Variants in CLIC2 observed in about 807,000 individuals in gnomAD.
The protein encoded by CLIC2 is chloride intracellular channel protein 2.
CLIC2 carries 9 observed loss-of-function variants against 14.8 expected under a neutral mutation model. The observed-to-expected ratio is 0.61, with a 90% CI of 0.37 to 1.06. The LOEUF (loss-of-function observed/expected upper bound fraction) is 1.06, where lower values mean the gene tolerates loss of function less well. CLIC2 is among the 50% of genes least tolerant of loss of function. CLIC2 has a pLI of 0.01. For synonymous variants in CLIC2, 61 were observed against 66.3 expected (o/e 0.92, Z 0.39); for missense variants, 148 against 181.4 (o/e 0.82, Z 1.06).
intron 1 of CLIC2, among the ~76,000 whole-genome samples, chrX:155,304,159 A>G (rs1337740721): frequency 9.2e-6 from 1 of 108,378 alleles, no homozygotes; most frequent in Admixed American, 9.9e-5. Context: ...TCTCCTGGAT[A>G]ATATCCCGCA....
chrX:155,326,796 C>A (rs1476174459), intron 1 of CLIC2, among the ~76,000 whole-genome samples: 1 of 111,169 alleles, frequency 9.0e-6, no homozygotes, highest in Non-Finnish European at 1.9e-5. Flanking sequence ...GGATGAAGTT[C>A]CAGGGAATTG....
At chrX:155,294,252 G>A (rs1401754850) in intron 3 of CLIC2, among the ~76,000 whole-genome samples, 1 of 110,999 alleles carries the variant, frequency 9.0e-6, no homozygotes, top group Non-Finnish European at 1.9e-5. Flanking sequence ...AACACCAAGA[G>A]GAACTTTAGA....
intron 1 of CLIC2, among the ~76,000 whole-genome samples, chrX:155,312,240 G>A (rs782820902): frequency 1.3e-4 from 14 of 111,579 alleles, no homozygotes; most frequent in Middle Eastern, 4.6e-3. Context: ...ATCTTTGCCT[G>A]TTCCTATGTC....
At chrX:155,292,264 ACT>A (rs1934556700) in intron 3 of CLIC2, 1 of 572,067 alleles carries the variant, frequency 1.7e-6, no homozygotes, top group South Asian at 2.2e-5. Flanking sequence ...ACAAGGAGAA[ACT>A]CTACCTGAGA....
rs782684108 is a variant in CLIC2, at chrX:155,299,021, C to T, written c.167+15G>A. ...TCTCAATTCCTAGAATTTAACATGT[C>T]CTGATTTCTCTTACCTGGTCATGTC... On this transcript the variant is annotated intron_variant, in intron 2 of 5. Coordinates refer to ENST00000369449, the MANE Select transcript of CLIC2 (RefSeq NM_001289.6). 2 of 1,182,697 alleles carry T rather than the reference C, an allele frequency of 1.7e-6. No individual in the cohort carries two copies. The highest frequency in any genetic ancestry group is 2.3e-6 in the Non-Finnish European group (2 of 869,387).
At chrX:155,285,394 G>T (rs1261239268) in intron 3 of CLIC2, among the ~76,000 whole-genome samples, 6 of 111,675 alleles carry the variant, frequency 5.4e-5, no homozygotes, top group Non-Finnish European at 1.1e-4. Context: ...AGTATCTAAT[G>T]GAGATATTGC....
intron 1 of CLIC2, among the ~76,000 whole-genome samples, chrX:155,326,818 GA>G (rs782344080): frequency 1.8e-5 from 2 of 110,483 alleles, no homozygotes; most frequent in South Asian, 3.8e-4. Flanking sequence ...GCTGAGTGGG[GA>G]AAAAAAAGAC....
intron 1 of CLIC2, among the ~76,000 whole-genome samples, chrX:155,334,055 A>G (rs2075165992): frequency 9.0e-6 from 1 of 111,252 alleles, no homozygotes; most frequent in East Asian, 2.8e-4. Flanking sequence ...GATGGAGAAA[A>G]AAAAGTCTGG....
At chrX:155,279,670 A>T (rs5983875) in intron 4 of CLIC2, among the ~76,000 whole-genome samples, 1,666 of 111,928 alleles carry the variant, frequency 0.015, 31 homozygotes, top group African/African-American at 0.051. Context: ...TGTTCGTGGG[A>T]AATGGTAGGT....
chrX:155,318,519 C>A (rs938104151), intron 1 of CLIC2, among the ~76,000 whole-genome samples: 1 of 111,599 alleles, frequency 9.0e-6, no homozygotes, highest in Non-Finnish European at 1.9e-5. Context: ...AGGTGAAAGA[C>A]CTCTACAAAG....
In CLIC2 at chrX:155,277,853, A is replaced by G. The variant is rs1557315943; in HGVS notation, c.*50T>C. On this transcript the variant is annotated 3_prime_UTR_variant, in exon 6 of 6. Transcript: ENST00000369449. ...TTGCAAAAACCTTTCTAATATGTCA[A>G]TAAGTAAAATCTGATCACAAATATA... is the stretch of plus-strand genomic sequence containing the variant. The G allele has an allele frequency of 1.1e-5, 12 of 1,103,831 alleles. No homozygotes were observed. The highest frequency in any genetic ancestry group is 2.5e-4 in the Middle Eastern group (1 of 4,007). The allele number at this position is 1,103,831 out of a possible 1,213,427, so 91.0% of individuals were successfully genotyped here.
intron 1 of CLIC2, among the ~76,000 whole-genome samples, chrX:155,301,348 T>C (rs1557319065): frequency 1.8e-5 from 2 of 110,504 alleles, no homozygotes; most frequent in Non-Finnish European, 3.8e-5. Context: ...TAATTGTGAA[T>C]GGGAGTTCAC....
chrX:155,310,341 A>AAAT (rs2075069558), intron 1 of CLIC2: 1 of 180,440 alleles, frequency 5.5e-6, no homozygotes. Context: ...AAGCCTGGAG[A>AAAT]AATAACCTAT....
At chrX:155,290,968 AT>A in intron 3 of CLIC2, 1 of 712,304 alleles carries the variant, frequency 1.4e-6, no homozygotes, top group Non-Finnish European at 2.3e-6. Context: ...GAGAGCAAAC[AT>A]TTTTTATATC....
intron 3 of CLIC2, among the ~76,000 whole-genome samples, chrX:155,281,681 AAGCCTATATTACTGTAAC>A (rs1163122463): frequency 3.6e-5 from 4 of 110,883 alleles, no homozygotes; most frequent in African/African-American, 1.3e-4. Context: ...GCCCAGTCCA[AAGCCTATATTACTGTAAC>A]AGCCTCCTGA....
intron 3 of CLIC2, among the ~76,000 whole-genome samples, chrX:155,286,378 C>T (rs782438558): frequency 8.9e-6 from 1 of 112,079 alleles, no homozygotes; most frequent in Non-Finnish European, 1.9e-5. Flanking sequence ...TTCAGTCTGT[C>T]ATTGATGGGC....
At chrX:155,302,712 C>A (rs1557319316) in intron 1 of CLIC2, among the ~76,000 whole-genome samples, 1 of 72,013 alleles carries the variant, frequency 1.4e-5, no homozygotes, top group South Asian at 8.9e-4. Context: ...CTCTTGTGGG[C>A]ATTTAGTGCT....
intron 3 of CLIC2, among the ~76,000 whole-genome samples, chrX:155,283,518 G>A (rs912613779): frequency 9.0e-6 from 1 of 111,410 alleles, no homozygotes; most frequent in African/African-American, 3.3e-5. Flanking sequence ...CCATGTTGGT[G>A]TGCTGCGCCC....
intron 1 of CLIC2, among the ~76,000 whole-genome samples, chrX:155,316,156 C>T (rs1375320358): frequency 5.4e-5 from 6 of 111,306 alleles, no homozygotes; most frequent in African/African-American, 2.0e-4. Context: ...GATGGTAACA[C>T]AATAATAGTG....
Sources: allele counts gnomAD v4.1 joint callset (sites outside exome capture counted in the v4.1 genomes callset), GRCh38; gene constraint gnomAD v4.1.1; transcripts MANE v1.5; gene names NCBI Gene and HGNC (gene_info 2026-07-23, HGNC 2026-07-21).